Variants in MLLT3 observed in about 807,000 individuals in gnomAD.
The protein encoded by MLLT3 is MLLT3 super elongation complex subunit, also known as protein AF-9.
In MLLT3, 4 loss-of-function variants were observed where a neutral mutation model predicts 53.2. The observed-to-expected ratio is 0.08, with a 90% CI of 0.04 to 0.17. The LOEUF is 0.17. MLLT3 is among the 10% of genes least tolerant of loss of function. The pLI, the probability that MLLT3 is intolerant of heterozygous loss-of-function variation, is 1.00. For synonymous variants in MLLT3, 283 were observed against 230.6 expected, an observed-to-expected ratio of 1.23 and a Z score of -2.06; for missense variants, 569 against 684.0, an observed-to-expected ratio of 0.83 and a Z score of 1.87.
chr9:20,357,979 G>GCGCA (rs1004140280), intron 8 of MLLT3, among the ~76,000 whole-genome samples: 54 of 137,876 alleles, frequency 3.9e-4, no homozygotes, highest in Admixed American at 7.8e-4. Context: ...CCTCCCTCCT[G>GCGCA]CGCACACACA....
chr9:20,446,777 T>C (rs1047673403), intron 4 of MLLT3, among the ~76,000 whole-genome samples: 1 of 152,176 alleles, frequency 6.6e-6, no homozygotes, highest in African/African-American at 2.4e-5. Flanking sequence ...GAGTTACTTT[T>C]CCAAACAACT....
chr9:20,589,603 A>G (rs1220591876), intron 2 of MLLT3, among the ~76,000 whole-genome samples: 3 of 149,544 alleles, frequency 2.0e-5, no homozygotes, highest in Admixed American at 2.0e-4. Flanking sequence ...AAAAAAGAAA[A>G]TTTTTTTATA....
At chr9:20,535,142 G>T (rs1341016312) in intron 2 of MLLT3, among the ~76,000 whole-genome samples, 1 of 152,148 alleles carries the variant, frequency 6.6e-6, no homozygotes, top group Non-Finnish European at 1.5e-5. Context: ...TACCGCCTGA[G>T]CTCCACCTCC....
chr9:20,487,187 T>C (rs577316351), intron 2 of MLLT3, among the ~76,000 whole-genome samples: 7 of 152,254 alleles, frequency 4.6e-5, no homozygotes, highest in Middle Eastern at 3.4e-3. Context: ...TAGTTTAACA[T>C]GAAAATATTC....
At chr9:20,455,534 T>A (rs931220564) in intron 3 of MLLT3, among the ~76,000 whole-genome samples, 2 of 152,198 alleles carry the variant, frequency 1.3e-5, no homozygotes, top group Non-Finnish European at 2.9e-5. Flanking sequence ...GAATCTCATT[T>A]CTAACCTGCC....
At chr9:20,504,891 A>G (rs367880785) in intron 2 of MLLT3, among the ~76,000 whole-genome samples, 2 of 152,136 alleles carry the variant, frequency 1.3e-5, no homozygotes, top group East Asian at 3.8e-4. Context: ...TTTTTTAAGT[A>G]GAAAAACTTG....
At chr9:20,348,905 T>A in intron 10 of MLLT3, among the ~76,000 whole-genome samples, 1 of 152,192 alleles carries the variant, frequency 6.6e-6, no homozygotes, top group East Asian at 1.9e-4. Flanking sequence ...TACTATATAA[T>A]TAAGATCAAT....
At chr9:20,467,334 C>T (rs571350121) in intron 2 of MLLT3, among the ~76,000 whole-genome samples, 35 of 152,210 alleles carry the variant, frequency 2.3e-4, no homozygotes, top group African/African-American at 7.7e-4. Context: ...AATCCCAGCA[C>T]TTTGGGAGGC....
intron 4 of MLLT3, among the ~76,000 whole-genome samples, chr9:20,421,421 A>T (rs1823005739): frequency 6.6e-6 from 1 of 152,130 alleles, no homozygotes; most frequent in South Asian, 2.1e-4. Context: ...AAAAAAGAAG[A>T]GGTACAAGGA....
chr9:20,360,679 C>T (rs186417446), intron 8 of MLLT3, 63 bp downstream of exon 8: 1 of 1,359,776 alleles, frequency 7.4e-7, no homozygotes, highest in Admixed American at 1.7e-5. Flanking sequence ...GTTTTGCATG[C>T]TTTGTAAAAA....
At chr9:20,554,260 T>TA (rs1461618415) in intron 2 of MLLT3, among the ~76,000 whole-genome samples, 14 of 152,270 alleles carry the variant, frequency 9.2e-5, no homozygotes, top group African/African-American at 2.9e-4. Context: ...ATTTCACCTT[T>TA]AAAAAAATCT....
At chr9:20,352,861 C>A (rs1413509704) in intron 10 of MLLT3, among the ~76,000 whole-genome samples, 2 of 151,874 alleles carry the variant, frequency 1.3e-5, no homozygotes, top group African/African-American at 4.8e-5. Context: ...ACATTCTTCT[C>A]TTTGGGTGTT....
At chr9:20,615,319 C>T (rs905141264) in intron 2 of MLLT3, among the ~76,000 whole-genome samples, 3 of 121,934 alleles carry the variant, frequency 2.5e-5, no homozygotes, top group Admixed American at 1.1e-4. Flanking sequence ...GCTGAAATCA[C>T]GCAATTACAA....
At chr9:20,440,367 C>T (rs1432249301) in intron 4 of MLLT3, among the ~76,000 whole-genome samples, 3 of 152,174 alleles carry the variant, frequency 2.0e-5, no homozygotes, top group African/African-American at 7.2e-5. Context: ...TACTTCGAGT[C>T]TCAGACATTT....
chr9:20,507,753 A>AC (rs894042437), intron 2 of MLLT3, among the ~76,000 whole-genome samples: 2 of 151,650 alleles, frequency 1.3e-5, no homozygotes, highest in Non-Finnish European at 2.9e-5. Context: ...AAAAAAAAAA[A>AC]AAAAAACAAA....
At chr9:20,481,816 C>T (rs1824669911) in intron 2 of MLLT3, among the ~76,000 whole-genome samples, 1 of 152,178 alleles carries the variant, frequency 6.6e-6, no homozygotes, top group African/African-American at 2.4e-5. Context: ...AAAATTGTGC[C>T]TAAAAAGCTA....
At chr9:20,526,142 G>A (rs958721519) in intron 2 of MLLT3, among the ~76,000 whole-genome samples, 4 of 152,184 alleles carry the variant, frequency 2.6e-5, no homozygotes, top group Admixed American at 2.6e-4. Flanking sequence ...CCCATGAGGT[G>A]CCAAACACTC....
Position 20,620,882 on chromosome 9 carries a change from G to C in MLLT3, c.13-48C>G. ...CAGCCGTGAATAACAGGAAGGCGAG[G>C]TTTCGGCAGTGAACGTTGCGCCTGA... On this transcript the variant is annotated intron_variant, in intron 1 of 10. Coordinates refer to ENST00000380338, the MANE Select transcript of MLLT3 (RefSeq NM_004529.4). The surrounding 1 kb of genome is among the most constrained non-coding windows in gnomAD (Gnocchi z 6.1). The C allele has an allele frequency of 6.3e-7, 1 of 1,594,314 alleles. No homozygotes were observed. Among genetic ancestry groups the C allele is most frequent in the Non-Finnish European group, 8.6e-7 (1 of 1,164,808 alleles).
At chr9:20,507,879 A>C (rs867146278) in intron 2 of MLLT3, among the ~76,000 whole-genome samples, 56 of 152,290 alleles carry the variant, frequency 3.7e-4, no homozygotes, top group African/African-American at 1.2e-3. Flanking sequence ...TAACAATCCA[A>C]ATAAAGTATG....
Sources: gnomAD v4.1 joint callset for allele counts (sites outside exome capture counted in the v4.1 genomes callset) on GRCh38, gnomAD v4.1.1 for gene constraint, Gnocchi (gnomAD v3.1) non-coding constraint, MANE v1.5 for transcripts, NCBI Gene and HGNC (gene_info 2026-07-23, HGNC 2026-07-21) for gene names.